The following ARAP2 variants were observed in gnomAD, a reference collection of about 807,000 sequenced individuals.
ARAP2 encodes ArfGAP with RhoGAP domain, ankyrin repeat and PH domain 2, also known as arf-GAP with Rho-GAP domain, ANK repeat and PH domain-containing protein 2.
ARAP2 carries 148 observed loss-of-function variants against 194.5 expected under a neutral mutation model. That is an observed-to-expected ratio of 0.76 (90% CI 0.67 to 0.87). The LOEUF is 0.87. ARAP2 is among the 40% of genes least tolerant of loss of function. The probability of loss-of-function intolerance (pLI) is 0.00; values close to 1 mark genes in which losing one functional copy is unlikely to be tolerated. For missense variants in ARAP2, 2,128 were observed against 1,989.7 expected, an observed-to-expected ratio of 1.07 and a Z score of -1.32; for synonymous variants, 695 against 683.5, an observed-to-expected ratio of 1.02 and a Z score of -0.26.
chr4:36,142,759 T>A (rs571435526), intron 19 of ARAP2, among the ~76,000 whole-genome samples: 1 of 151,696 alleles, frequency 6.6e-6, no homozygotes, highest in Non-Finnish European at 1.5e-5. Flanking sequence ...AAATGATGTA[T>A]AGTCATCAAA....
intron 9 of ARAP2, among the ~76,000 whole-genome samples, chr4:36,171,743 A>C (rs1736697901): frequency 6.6e-6 from 1 of 152,152 alleles, no homozygotes; most frequent in Non-Finnish European, 1.5e-5. Flanking sequence ...AGCTCTTGTT[A>C]TTATTATTTT....
chr4:36,106,839 TG>T (rs1423354516), intron 27 of ARAP2, among the ~76,000 whole-genome samples: 5 of 151,954 alleles, frequency 3.3e-5, no homozygotes, highest in Non-Finnish European at 7.4e-5. Flanking sequence ...GAAATAATAA[TG>T]GTTATTATTT....
intron 5 of ARAP2, among the ~76,000 whole-genome samples, chr4:36,023,209 A>T (rs181789023): frequency 2.0e-5 from 3 of 152,178 alleles, no homozygotes; most frequent in African/African-American, 7.2e-5. Context: ...GGCACTTGCT[A>T]TGAGTTGGGG....
chr4:36,013,014 T>C (rs1219327497), intron 8 of ARAP2, among the ~76,000 whole-genome samples: 2 of 152,214 alleles, frequency 1.3e-5, no homozygotes, highest in Non-Finnish European at 2.9e-5. Context: ...CAACAAAATA[T>C]AGACTGTTCT....
intron 19 of ARAP2, among the ~76,000 whole-genome samples, chr4:36,138,012 T>C (rs1473489558): frequency 6.6e-6 from 1 of 151,732 alleles, no homozygotes; most frequent in Admixed American, 6.6e-5. Context: ...GACTGTACAC[T>C]TACATTCTGC....
chr4:36,014,673 T>C (rs1715459730), intron 8 of ARAP2, among the ~76,000 whole-genome samples: 1 of 152,222 alleles, frequency 6.6e-6, no homozygotes, highest in South Asian at 2.1e-4. Flanking sequence ...CCTAATTCTC[T>C]ATCTGTTATA....
chr4:36,202,440 A>T (rs987887455), intron 6 of ARAP2, among the ~76,000 whole-genome samples: 1 of 152,122 alleles, frequency 6.6e-6, no homozygotes, highest in Non-Finnish European at 1.5e-5. Flanking sequence ...AAAACAAAAA[A>T]AGTATCTTCA....
At chr4:36,148,544 T>A (rs1291608798) in intron 16 of ARAP2, 37 bp from the exon 17 acceptor site, 15 of 1,446,996 alleles carry the variant, frequency 1.0e-5, no homozygotes, top group Non-Finnish European at 1.4e-5. Flanking sequence ...CTACCAGTTA[T>A]ATTTAGCTCT....
chr4:36,185,239 T>TTTCG (rs1440268769), intron 8 of ARAP2, among the ~76,000 whole-genome samples: 2 of 152,262 alleles, frequency 1.3e-5, no homozygotes, highest in African/African-American at 4.8e-5. Flanking sequence ...GGACTCTAGC[T>TTTCG]TTCGTTCAAC....
intron 16 of ARAP2, 135 bp from the exon 17 acceptor site, chr4:36,148,642 G>A: frequency 1.5e-6 from 1 of 658,386 alleles, no homozygotes; most frequent in Non-Finnish European, 2.5e-6. Context: ...ATTAGATTCT[G>A]TTAATGGTTT....
intron 15 of ARAP2, among the ~76,000 whole-genome samples, chr4:36,157,932 C>A (rs1256675496): frequency 1.3e-5 from 2 of 151,992 alleles, no homozygotes; most frequent in Non-Finnish European, 2.9e-5. Flanking sequence ...CTGAACTATA[C>A]CACCTAGTGA....
intron 7 of ARAP2, among the ~76,000 whole-genome samples, chr4:36,192,171 T>G (rs1281323834): frequency 5.1e-4 from 6 of 11,822 alleles, no homozygotes; most frequent in Non-Finnish European, 1.2e-3. Context: ...TGTTTCTGTT[T>G]TTTTTTTTTT....
downstream of ARAP2, among the ~76,000 whole-genome samples, chr4:36,062,980 T>C (rs1307611371): frequency 2.0e-5 from 3 of 152,116 alleles, no homozygotes; most frequent in Non-Finnish European, 4.4e-5. Flanking sequence ...GACAGAAAAA[T>C]GGTCACATTT....
intron 31 of ARAP2, among the ~76,000 whole-genome samples, chr4:36,077,867 A>ATATG: frequency 6.6e-6 from 1 of 152,232 alleles, no homozygotes; most frequent in African/African-American, 2.4e-5. Context: ...CTCAGGACAT[A>ATATG]CCCTGCTGGC....
chr4:36,114,257 T>C lies in ARAP2; in HGVS notation c.4069A>G (p.Thr1357Ala). The change falls in exon 26 of 33, where the codon ACT (threonine) becomes GCT (alanine). Residue 1357 changes from threonine to alanine, a missense_variant. Coordinates refer to ENST00000303965, the MANE Select transcript of ARAP2 (RefSeq NM_015230.4). ...TTTTTTATCGCTAATATATCATTAGTTAATTCTTCTGCTTCCATCACAGGA... is the reference window on the plus strand; with the variant it reads ...TTTTTTATCGCTAATATATCATTAGCTAATTCTTCTGCTTCCATCACAGGA... Reference protein sequence around the residue: ...ISPVMEAEELTNDILAIKNII... With the variant: ...ISPVMEAEELANDILAIKNII... 17 of 1,592,488 alleles carry C rather than the reference T, an allele frequency of 1.1e-5. No individual in the cohort carries two copies. The highest frequency in any genetic ancestry group is 1.5e-5 in the Non-Finnish European group (17 of 1,163,834).
chr4:36,065,124 A>G (rs1378310099), downstream of ARAP2: 3 of 269,404 alleles, frequency 1.1e-5, no homozygotes, highest in South Asian at 4.3e-5. Context: ...GTGAGCTCCA[A>G]TGACTTCTTC....
chr4:36,064,163 C>A (rs187662780), downstream of ARAP2, among the ~76,000 whole-genome samples: 619 of 150,872 alleles, frequency 4.1e-3, 5 homozygotes, highest in African/African-American at 0.015. Flanking sequence ...ATTGAGAGTG[C>A]CTTTGAGCAC....
chr4:36,049,165 T>C (rs1464643376), intron 3 of ARAP2, among the ~76,000 whole-genome samples: 6 of 152,114 alleles, frequency 3.9e-5, no homozygotes, highest in African/African-American at 1.4e-4. Flanking sequence ...GTCTTTGAGA[T>C]TTTGATAGGA....
At chr4:36,151,412 T>C (rs1730942422) in intron 15 of ARAP2, among the ~76,000 whole-genome samples, 1 of 152,176 alleles carries the variant, frequency 6.6e-6, no homozygotes, top group Non-Finnish European at 1.5e-5. Flanking sequence ...CAGCTTGTGG[T>C]AGGTATGCAA....
Sources: allele counts gnomAD v4.1 joint callset (sites outside exome capture counted in the v4.1 genomes callset), GRCh38; gene constraint gnomAD v4.1.1; transcripts MANE v1.5; gene names NCBI Gene and HGNC (gene_info 2026-07-23, HGNC 2026-07-21).